MITF: variants seen among roughly 807,000 people sequenced by gnomAD.
MITF encodes melanocyte inducing transcription factor, also known as microphthalmia-associated transcription factor.
In MITF, 17 loss-of-function variants were observed where a neutral mutation model predicts 60.5. The ratio of observed to expected loss-of-function variants is 0.28; its 90% confidence interval spans 0.19 to 0.42. The LOEUF is 0.42. Among genes scored for constraint, MITF ranks in the 10% least tolerant of loss-of-function variants. MITF has a pLI of 1.00. For missense variants in MITF, 622 were observed against 683.5 expected (o/e 0.91, Z 1.00); for synonymous variants, 260 against 248.5 (o/e 1.05, Z -0.43).
chr3:69,764,222 A>T (rs2062255658), intron 1 of MITF, among the ~76,000 whole-genome samples: 1 of 152,190 alleles, frequency 6.6e-6, no homozygotes, highest in Admixed American at 6.5e-5. Flanking sequence ...TGTAGAAGTG[A>T]TTCACTGCAA....
chr3:69,888,587 A>G (rs1024801615), intron 2 of MITF, among the ~76,000 whole-genome samples: 1 of 152,024 alleles, frequency 6.6e-6, no homozygotes, highest in Non-Finnish European at 1.5e-5. Flanking sequence ...GTAATTCATC[A>G]AGGAATGTTG....
At chr3:69,936,411 A>T (rs1201301008) in intron 2 of MITF, among the ~76,000 whole-genome samples, 1 of 152,170 alleles carries the variant, frequency 6.6e-6, no homozygotes, top group Non-Finnish European at 1.5e-5. Flanking sequence ...TCACTTAAAA[A>T]GGTTCTTTTA....
chr3:69,775,522 A>G (rs1385658643), intron 1 of MITF, among the ~76,000 whole-genome samples: 2 of 152,216 alleles, frequency 1.3e-5, no homozygotes, highest in Non-Finnish European at 2.9e-5. Context: ...TGATACACAC[A>G]AATCAGCATT....
chr3:69,909,251 G>C (rs1464511050), intron 2 of MITF, among the ~76,000 whole-genome samples: 1 of 152,058 alleles, frequency 6.6e-6, no homozygotes, highest in Admixed American at 6.6e-5. Context: ...ATTTTCTCTT[G>C]CCACCACCAT....
chr3:69,867,941 T>C (rs116103477), intron 1 of MITF, among the ~76,000 whole-genome samples: 2,631 of 152,352 alleles, frequency 0.017, 73 homozygotes, highest in African/African-American at 0.059. Flanking sequence ...TATTGCCCAT[T>C]AACTTTTCTG....
At chr3:69,948,804 G>A (rs914246386) in intron 5 of MITF, among the ~76,000 whole-genome samples, 48 of 152,266 alleles carry the variant, frequency 3.2e-4, no homozygotes, top group African/African-American at 1.1e-3. Context: ...GCTAGTTAGA[G>A]TAGTCATTTT....
At chr3:69,956,642 C>T (rs2066406268) in intron 8 of MITF, 112 bp downstream of exon 8, 4 of 833,372 alleles carry the variant, frequency 4.8e-6, no homozygotes, top group South Asian at 1.4e-5. Context: ...TCTCCCCTCT[C>T]CCTTTGGTTC....
At chr3:69,761,119 A>G (rs746026337) in intron 1 of MITF, among the ~76,000 whole-genome samples, 15 of 152,146 alleles carry the variant, frequency 9.9e-5, no homozygotes, top group Admixed American at 2.0e-4. Flanking sequence ...CCTATCTTTT[A>G]TATATTTCTA....
At position 69,968,292 on chromosome 3, in the gene MITF, G is replaced by A. The variant is rs991197321; in HGVS notation, c.*3044G>A. ...TATTAATGTATCCAATGAAATAATC[G>A]ACTTGTTCTTGATAGCCTCATTAAA... On this transcript the variant is annotated 3_prime_UTR_variant, in exon 10 of 10. Transcript: ENST00000352241. The A allele has an allele frequency of 2.6e-5, 6 of 229,916 alleles. No individual in the cohort carries two copies. Among genetic ancestry groups the A allele is most frequent in the Admixed American group, 1.1e-4 (2 of 17,660 alleles). The allele number at this position is 229,916 out of a possible 1,614,324, so 14.2% of individuals were successfully genotyped here. A position where few individuals can be genotyped will look rare whatever the true frequency, so the allele number is the denominator to read the frequency against.
intron 1 of MITF, among the ~76,000 whole-genome samples, chr3:69,747,190 G>A (rs752253153): frequency 1.3e-5 from 2 of 152,198 alleles, no homozygotes; most frequent in Admixed American, 6.5e-5. Context: ...CTAGCATGGT[G>A]CATACATCTT....
At chr3:69,947,786 C>T (rs1036912761) in intron 5 of MITF, among the ~76,000 whole-genome samples, 3 of 152,126 alleles carry the variant, frequency 2.0e-5, no homozygotes, top group Non-Finnish European at 4.4e-5. Flanking sequence ...TTGCCTCCCA[C>T]CCAAATCTCT....
At position 69,764,477 on chromosome 3, in the gene MITF, G is replaced by A. The variant is rs115019098; in HGVS notation, c.104+24776G>A. On this transcript the variant is annotated intron_variant, in intron 1 of 9. Transcript: ENST00000352241. Reference sequence around the variant, plus strand: ...CTTTTCAAGTACTGTAGGAACATAGGGATTTGAAAATGAATTCTTTGTCTT... The same window carrying A: ...CTTTTCAAGTACTGTAGGAACATAGAGATTTGAAAATGAATTCTTTGTCTT... 4.9e-3 allele frequency among the ~76,000 whole-genome samples: 743 copies of A among 152,214 alleles called. 11 individuals are homozygous for A. The highest frequency in any genetic ancestry group is 0.017 in the African/African-American group (717 of 41,536).
At chr3:69,944,260 A>T (rs1210770728) in intron 5 of MITF, among the ~76,000 whole-genome samples, 1 of 152,168 alleles carries the variant, frequency 6.6e-6, no homozygotes, top group Non-Finnish European at 1.5e-5. Context: ...AGCACCAGGC[A>T]AGGTGCTGTG....
intron 1 of MITF, among the ~76,000 whole-genome samples, chr3:69,762,278 G>A (rs2062222955): frequency 6.6e-6 from 1 of 152,134 alleles, no homozygotes; most frequent in Admixed American, 6.5e-5. Context: ...TCAGTGATGA[G>A]TTAGAGATTC....
chr3:69,810,854 A>G (rs1348876226), intron 1 of MITF, among the ~76,000 whole-genome samples: 2 of 152,224 alleles, frequency 1.3e-5, no homozygotes, highest in African/African-American at 4.8e-5. Flanking sequence ...TATTTTACCT[A>G]ATATTTGTAA....
chr3:69,910,358 G>A (rs1401411744), intron 2 of MITF, among the ~76,000 whole-genome samples: 2 of 152,218 alleles, frequency 1.3e-5, no homozygotes, highest in Non-Finnish European at 2.9e-5. Context: ...CTCTGCTAGG[G>A]CAGTGCAGAA....
At chr3:69,835,662 A>C (rs1357825490) in intron 1 of MITF, among the ~76,000 whole-genome samples, 1 of 152,146 alleles carries the variant, frequency 6.6e-6, no homozygotes, top group Non-Finnish European at 1.5e-5. Context: ...ATATGGTGAG[A>C]GGTAGGGGCC....
At chr3:69,918,339 C>T (rs532267433) in intron 2 of MITF, among the ~76,000 whole-genome samples, 139 of 152,270 alleles carry the variant, frequency 9.1e-4, no homozygotes, top group Non-Finnish European at 1.6e-3. Context: ...TGAGTCACCA[C>T]GCCTGGCCCA....
At chr3:69,929,040 T>G (rs907051579) in intron 2 of MITF, among the ~76,000 whole-genome samples, 6 of 152,180 alleles carry the variant, frequency 3.9e-5, no homozygotes, top group Non-Finnish European at 7.4e-5. Context: ...GAAGACTTAG[T>G]TCCTCTAGAG....
Sources: gnomAD v4.1 joint callset for allele counts (sites outside exome capture counted in the v4.1 genomes callset) on GRCh38, gnomAD v4.1.1 for gene constraint, MANE v1.5 for transcripts, NCBI Gene and HGNC (gene_info 2026-07-23, HGNC 2026-07-21) for gene names.